The following PHF21B variants were observed in gnomAD, a reference collection of about 807,000 sequenced individuals.
PHF21B encodes PHD finger protein 21B.
Under a neutral mutation model 62.2 loss-of-function variants are expected in PHF21B, and 22 were observed. That is an observed-to-expected ratio of 0.35 (90% confidence interval 0.25 to 0.51). The LOEUF is 0.51. Ranked by LOEUF, PHF21B falls within the 20% of genes least tolerant of loss-of-function variation. The pLI is 0.97. For synonymous variants in PHF21B, 341 were observed against 314.7 expected, an observed-to-expected ratio of 1.08 and a Z score of -0.88; for missense variants, 701 against 707.9, an observed-to-expected ratio of 0.99 and a Z score of 0.11.
At chr22:44,984,442 T>C (rs533085138) in intron 2 of PHF21B, among the ~76,000 whole-genome samples, 1 of 152,234 alleles carries the variant, frequency 6.6e-6, no homozygotes, top group East Asian at 1.9e-4. Context: ...GTGGGAAGCA[T>C]GTTACACACA....
At position 44,966,144 on chromosome 22, in the gene PHF21B, C is replaced by T. The variant is rs186833025; in HGVS notation, c.120+42401G>A. On this transcript the variant is annotated intron_variant, in intron 2 of 12. Transcript: ENST00000313237. ...CCCATATCCTGGGCACTCCCTGCAT[C>T]CCTCCAGTCCCTCGCTCCTACGCTG... 2.6e-3 allele frequency among the ~76,000 whole-genome samples: 389 copies of T among 152,306 alleles called. 3 individuals carry two copies. The highest frequency in any genetic ancestry group is 9.0e-3 in the African/African-American group (375 of 41,574).
Position 44,933,101 on chromosome 22 carries a change from G to C in PHF21B, c.121-12611C>G, listed in dbSNP as rs555966701. Among the ~76,000 whole-genome samples the C allele has an allele frequency of 1.6e-3, 244 of 149,620 alleles. 1 individual carries two copies. The highest frequency in any genetic ancestry group is 5.6e-3 in the African/African-American group (231 of 40,944). On this transcript the variant is annotated intron_variant, in intron 2 of 12. Coordinates refer to ENST00000313237, the MANE Select transcript of PHF21B (RefSeq NM_138415.5). ...CCGCCCCGCTGTGGAAACAGCTTCA[G>C]GTCTCTTCTATTTCTTTTTTTTTTT...
intron 2 of PHF21B, among the ~76,000 whole-genome samples, chr22:45,007,043 GGGCCCCCCTCCGGCGGGA>G (rs2073327146): frequency 1.3e-5 from 2 of 151,916 alleles, no homozygotes; most frequent in African/African-American, 4.8e-5. Context: ...GCCGCGCGCC[GGGCCCCCCTCCGGCGGGA>G]ATGGAAGCTT....
Position 44,883,327 on chromosome 22 carries a change from A to G in PHF21B, c.1378-23T>C, listed in dbSNP as rs528160045. On this transcript the variant is annotated intron_variant, in intron 12 of 12. Coordinates refer to ENST00000313237, the MANE Select transcript of PHF21B (RefSeq NM_138415.5). ...TTTCTGTTGGGGAGAAGGTCAGGGG[A>G]AAGGGTCTCAGTATTCGGCTCTACA... 7.5e-6 allele frequency: 12 copies of G among 1,609,048 alleles called. No homozygotes were observed. The African/African-American group carries it at 1.6e-4, about 21-fold the overall frequency.
rs975353358 is a variant in PHF21B, at chr22:45,009,698, G to C, written c.-149C>G. 7.2e-6 allele frequency: 5 copies of C among 692,734 alleles called. No homozygotes were observed. The highest frequency in any genetic ancestry group is 5.8e-5 in the African/African-American group (3 of 51,706). 42.9% of individuals were successfully genotyped at this position (692,734 alleles called of 1,614,324 possible). ...GAGCCCCCTCCCCCACGGCCGAAAG[G>C]GAAGGGGGCTGGCGAAGGGGAAGAC... On this transcript the variant is annotated 5_prime_UTR_variant, in exon 1 of 13. Transcript: ENST00000313237. The surrounding 1 kb of genome is among the most constrained non-coding windows in gnomAD (Gnocchi z 5.9).
chr22:44,944,233 G>A (rs946372413), intron 2 of PHF21B, among the ~76,000 whole-genome samples: 1 of 152,234 alleles, frequency 6.6e-6, no homozygotes, highest in Non-Finnish European at 1.5e-5. Context: ...GGTGCCCTGA[G>A]CAGAAGCTGA....
At chr22:44,978,395 C>T (rs570610330) in intron 2 of PHF21B, among the ~76,000 whole-genome samples, 2 of 152,100 alleles carry the variant, frequency 1.3e-5, no homozygotes, top group African/African-American at 4.8e-5. Flanking sequence ...AGACTCCCTG[C>T]GATGCCCAGG....
rs141577416 is a variant in PHF21B, at chr22:44,889,765, A to G, written c.1033T>C (p.Trp345Arg). 1.9e-6 allele frequency: 3 copies of G among 1,568,692 alleles called. No homozygotes were observed. The highest frequency in any genetic ancestry group is 1.4e-5 in the African/African-American group (1 of 71,582). Residue 345 changes from tryptophan to arginine, a missense_variant, in exon 9 of 13, where the codon TGG becomes CGG. Physicochemically the swap from Trp to Arg is moderately radical, Grantham distance 101. Transcript: ENST00000313237. Reference sequence around the variant, plus strand: ...CGGAGGGAGGGGACACGTACCTTCCAGCAGGGGTCCTCATTGGCTAGCACA... The same window carrying G: ...CGGAGGGAGGGGACACGTACCTTCCGGCAGGGGTCCTCATTGGCTAGCACA... ...LTARANEDPC[W>R]KNEITHDEHC...
chr22:44,947,823 T>G (rs533270683), intron 2 of PHF21B, among the ~76,000 whole-genome samples: 18 of 152,190 alleles, frequency 1.2e-4, no homozygotes, highest in African/African-American at 4.3e-4. Context: ...CTCTGCTTGG[T>G]GTGCTTCCTT....
At chr22:44,886,775 C>T (rs1346766200) in intron 10 of PHF21B, among the ~76,000 whole-genome samples, 6 of 152,182 alleles carry the variant, frequency 3.9e-5, no homozygotes, top group African/African-American at 1.2e-4. Context: ...ACAGCAGCCC[C>T]TGCCCACCAT....
Position 44,943,680 on chromosome 22 carries a change from T to G in PHF21B, c.121-23190A>C, listed in dbSNP as rs2072007521. The stretch of plus-strand genomic sequence containing the variant: ...AGGTTTAGATTTCGACGGACAGGTT[T>G]GGGGTCCACATTCAGTGGCCGGGCA... On this transcript the variant is annotated intron_variant, in intron 2 of 12. Transcript: ENST00000313237. Among the ~76,000 whole-genome samples the G allele has an allele frequency of 2.0e-5, 3 of 152,122 alleles. No individual in the cohort carries two copies. In the South Asian group the frequency reaches 6.2e-4, roughly 32 times the overall value.
intron 2 of PHF21B, chr22:45,008,220 C>T: frequency 4.4e-6 from 1 of 227,794 alleles, no homozygotes; most frequent in Non-Finnish European, 8.5e-6. Flanking sequence ...GCCGCCTCAG[C>T]GCAAAGCGGG....
intron 2 of PHF21B, among the ~76,000 whole-genome samples, chr22:44,972,677 C>G (rs2072662341): frequency 6.6e-6 from 1 of 152,236 alleles, no homozygotes. Flanking sequence ...CCTTGAAAGC[C>G]CTCACTCAGT....
intron 3 of PHF21B, among the ~76,000 whole-genome samples, chr22:44,916,839 G>A (rs1436372401): frequency 6.6e-6 from 1 of 152,228 alleles, no homozygotes; most frequent in Admixed American, 6.5e-5. Context: ...CGGGGCTCAG[G>A]AGGGGCTGCT....
chr22:44,982,281 T>C (rs2072856966), intron 2 of PHF21B, among the ~76,000 whole-genome samples: 1 of 152,094 alleles, frequency 6.6e-6, no homozygotes, highest in Non-Finnish European at 1.5e-5. Flanking sequence ...CCAGTATGAG[T>C]ACTTTGCAAA....
chr22:44,941,296 G>A (rs1018625222), intron 2 of PHF21B, among the ~76,000 whole-genome samples: 2 of 152,170 alleles, frequency 1.3e-5, no homozygotes, highest in African/African-American at 2.4e-5. Context: ...GCTACACCGC[G>A]CCATGCCGCA....
chr22:44,905,352 T>C lies in PHF21B; in HGVS notation c.831+8470A>G, dbSNP rs551093572. ...AAATGTCATCTCATCGCCATGTTTG[T>C]CATCATCAAATTCTCGAATTTTTAT... On this transcript the variant is annotated intron_variant, in intron 5 of 12. Transcript: ENST00000313237. 1.8e-4 allele frequency among the ~76,000 whole-genome samples: 28 copies of C among 152,378 alleles called. No homozygotes were observed. In the South Asian group the frequency reaches 5.8e-3, roughly 32 times the overall value.
intron 2 of PHF21B, among the ~76,000 whole-genome samples, chr22:44,974,407 C>CT (rs2072697698): frequency 7.0e-6 from 1 of 141,870 alleles, no homozygotes; most frequent in African/African-American, 2.8e-5. Flanking sequence ...GAGACCCTGT[C>CT]TTAAAAAAAA....
At chr22:44,939,507 C>T (rs933504005) in intron 2 of PHF21B, among the ~76,000 whole-genome samples, 3 of 152,148 alleles carry the variant, frequency 2.0e-5, no homozygotes, top group East Asian at 1.9e-4. Context: ...CAGGTGGGGG[C>T]GGCAGAGGGG....
Sources: allele counts gnomAD v4.1 joint callset (sites outside exome capture counted in the v4.1 genomes callset), GRCh38; gene constraint gnomAD v4.1.1; non-coding constraint Gnocchi (gnomAD v3.1); transcripts MANE v1.5; gene names NCBI Gene and HGNC (gene_info 2026-07-23, HGNC 2026-07-21).